ENTREP3: variants seen among roughly 807,000 people sequenced by gnomAD.
The protein encoded by ENTREP3 is protein ENTREP3.
the ENTREP3 span, chr1:155,248,331 G>T: frequency 6.2e-7 from 1 of 1,613,334 alleles, no homozygotes; most frequent in African/African-American, 1.3e-5. Flanking sequence ...TAAGAGAATG[G>T]TATTGTAGGG....
chr1:155,248,438 C>T, the ENTREP3 span: 1 of 1,613,940 alleles, frequency 6.2e-7, no homozygotes, highest in Non-Finnish European at 8.5e-7. Context: ...GCAGCTTCTT[C>T]CTCAAGCACT....
the ENTREP3 span, among the ~76,000 whole-genome samples, chr1:155,249,916 G>A: frequency 6.6e-6 from 1 of 150,934 alleles, no homozygotes; most frequent in East Asian, 2.0e-4. Flanking sequence ...ATATTAGCCG[G>A]TCATGGTGGC....
the ENTREP3 span, among the ~76,000 whole-genome samples, chr1:155,248,865 C>A: frequency 1.3e-5 from 2 of 151,558 alleles, no homozygotes; most frequent in Non-Finnish European, 2.9e-5. Context: ...CAGGCGTCCA[C>A]CACCAGGCCC....
the ENTREP3 span, chr1:155,247,920 C>T: frequency 3.4e-5 from 54 of 1,595,990 alleles, no homozygotes; most frequent in Middle Eastern, 1.7e-4. Context: ...GGTGGAGGCT[C>T]TCTCGGCCAG....
the ENTREP3 span, chr1:155,254,567 G>T: frequency 1.3e-6 from 2 of 1,560,810 alleles, no homozygotes; most frequent in Admixed American, 3.3e-5. The surrounding 1 kb of genome is among the most constrained non-coding windows in gnomAD (Gnocchi z 4.4). Flanking sequence ...GGAGAGGGAG[G>T]AGAGGCAAGC....
the ENTREP3 span, chr1:155,250,860 C>G: frequency 6.5e-7 from 1 of 1,546,532 alleles, no homozygotes; most frequent in Non-Finnish European, 8.7e-7. The surrounding 1 kb of genome is among the most constrained non-coding windows in gnomAD (Gnocchi z 5.4). Flanking sequence ...ACCAGCCTGG[C>G]CTGGCCTAGC....
chr1:155,253,747 G>T, the ENTREP3 span: 2 of 1,607,650 alleles, frequency 1.2e-6, no homozygotes, highest in Non-Finnish European at 1.7e-6. Flanking sequence ...GGAAGGGAAA[G>T]GAGGAGAGGA....
chr1:155,250,514 C>A, the ENTREP3 span: 1 of 1,514,570 alleles, frequency 6.6e-7, no homozygotes. This position sits in a 1 kb window ranked among gnomAD's most constrained non-coding sequence, Gnocchi z 5.4. Flanking sequence ...AGCCCTCCAA[C>A]CGGTGGCAGC....
At chr1:155,250,391 A>G in the ENTREP3 span, 1 of 1,361,160 alleles carries the variant, frequency 7.3e-7, no homozygotes, top group East Asian at 2.8e-5. This position sits in a 1 kb window ranked among gnomAD's most constrained non-coding sequence, Gnocchi z 5.4. Flanking sequence ...AACCTGAGCT[A>G]TCGCTGAAGC....
the ENTREP3 span, chr1:155,247,924 C>T: frequency 6.3e-6 from 10 of 1,595,684 alleles, no homozygotes; most frequent in South Asian, 2.3e-5. Flanking sequence ...GAGGCTCTCT[C>T]GGCCAGGCCG....
At chr1:155,247,334 A>G in the ENTREP3 span, 1 of 467,388 alleles carries the variant, frequency 2.1e-6, no homozygotes. Context: ...GCCCAAGGTC[A>G]TGCAGCTAGA....
the ENTREP3 span, chr1:155,250,445 C>T: frequency 5.4e-6 from 8 of 1,484,630 alleles, no homozygotes; most frequent in East Asian, 2.5e-5. This position sits in a 1 kb window ranked among gnomAD's most constrained non-coding sequence, Gnocchi z 5.4. Flanking sequence ...CTGGGCGGCC[C>T]CCTCCCCGGG....
At chr1:155,247,319 A>T in the ENTREP3 span, 1 of 456,218 alleles carries the variant, frequency 2.2e-6, no homozygotes. Flanking sequence ...GGGGTTACAT[A>T]GCTTGCCCAA....
chr1:155,248,860 G>A, the ENTREP3 span, among the ~76,000 whole-genome samples: 5 of 151,448 alleles, frequency 3.3e-5, no homozygotes, highest in East Asian at 3.9e-4. Flanking sequence ...GATTACAGGC[G>A]TCCACCACCA....
the ENTREP3 span, chr1:155,251,185 A>G: frequency 1.9e-6 from 3 of 1,581,264 alleles, no homozygotes; most frequent in South Asian, 2.3e-5. Flanking sequence ...CACAGGGTCA[A>G]GGGTTCAGCC....
At chr1:155,248,432 C>G in the ENTREP3 span, 2 of 1,613,994 alleles carry the variant, frequency 1.2e-6, no homozygotes, top group Admixed American at 3.3e-5. Flanking sequence ...ACAGAAGCAG[C>G]TTCTTCCTCA....
chr1:155,248,329 T>A, the ENTREP3 span: 1 of 1,611,630 alleles, frequency 6.2e-7, no homozygotes, highest in East Asian at 2.2e-5. Context: ...GATAAGAGAA[T>A]GGTATTGTAG....
At chr1:155,247,390 C>T in the ENTREP3 span, 1 of 501,752 alleles carries the variant, frequency 2.0e-6, no homozygotes, top group African/African-American at 1.9e-5. Context: ...ACTCTTCGTG[C>T]CTGCCTTACC....
At chr1:155,253,552 C>G in the ENTREP3 span, 9 of 1,038,946 alleles carry the variant, frequency 8.7e-6, no homozygotes, top group South Asian at 1.3e-4. Flanking sequence ...CCATTGTTCC[C>G]TCAGGCAAGT....
Sources: allele counts gnomAD v4.1 joint callset (sites outside exome capture counted in the v4.1 genomes callset), GRCh38; gene constraint gnomAD v4.1.1; non-coding constraint Gnocchi (gnomAD v3.1); transcripts MANE v1.5; gene names NCBI Gene and HGNC (gene_info 2026-07-23, HGNC 2026-07-21).